The following ITGA8 variants were observed in gnomAD, a reference collection of about 807,000 sequenced individuals.
The protein encoded by ITGA8 is integrin alpha-8.
A neutral mutation model predicts 142.3 loss-of-function variants in ITGA8; 91 were observed. The observed-to-expected ratio is 0.64, with a 90% CI of 0.54 to 0.76. ITGA8 has a LOEUF of 0.76. Ranked by LOEUF, ITGA8 falls within the 30% of genes least tolerant of loss-of-function variation. ITGA8 has a pLI of 0.00. For missense variants in ITGA8, 1,406 were observed against 1,327.7 expected (o/e 1.06, Z -0.92); for synonymous variants, 505 against 485.2 (o/e 1.04, Z -0.54).
At chr10:15,651,124 A>G (rs1438825748) in intron 11 of ITGA8, among the ~76,000 whole-genome samples, 1 of 152,188 alleles carries the variant, frequency 6.6e-6, no homozygotes, top group African/African-American at 2.4e-5. Context: ...TGCAGAAAGT[A>G]TCCAATGGAT....
intron 6 of ITGA8, among the ~76,000 whole-genome samples, chr10:15,676,115 T>C (rs576473290): frequency 6.6e-6 from 1 of 152,302 alleles, no homozygotes; most frequent in South Asian, 2.1e-4. Context: ...CCTCACTCTC[T>C]TAACTCCGGT....
intron 28 of ITGA8, among the ~76,000 whole-genome samples, chr10:15,521,081 C>T (rs1307763622): frequency 3.3e-5 from 5 of 152,188 alleles, no homozygotes; most frequent in Admixed American, 1.3e-4. Context: ...TGCAATGGCA[C>T]GATCTTGGCT....
intron 13 of ITGA8, among the ~76,000 whole-genome samples, chr10:15,626,808 G>C (rs965237344): frequency 1.3e-5 from 2 of 152,180 alleles, no homozygotes; most frequent in African/African-American, 4.8e-5. Flanking sequence ...CCATCTACAA[G>C]CCAAAGAGAG....
In ITGA8 at chr10:15,517,033, GGGTC is replaced by G; in HGVS notation, c.*121_*124del. 2.0e-6 allele frequency: 1 copy of G among 497,094 alleles called. No individual in the cohort carries two copies. Among genetic ancestry groups the G allele is most frequent in the Non-Finnish European group, 3.3e-6 (1 of 302,064 alleles). 30.8% of individuals were successfully genotyped at this position (497,094 alleles called of 1,614,324 possible). The stretch of plus-strand genomic sequence containing the variant: ...CGGTGTAGATGAGGTGATGTTTCCA[GGGTC>G]CCCTCCATTTCCTGGGTCACTGTCA... On this transcript the variant is annotated 3_prime_UTR_variant, in exon 30 of 30. Coordinates refer to ENST00000378076, the MANE Select transcript of ITGA8 (RefSeq NM_003638.3).
chr10:15,541,732 C>G (rs955572265), intron 27 of ITGA8, among the ~76,000 whole-genome samples: 5 of 151,954 alleles, frequency 3.3e-5, no homozygotes, highest in African/African-American at 4.8e-5. Context: ...CTGATGTCAA[C>G]TACAGATATA....
chr10:15,614,768 G>A (rs1833363204), intron 14 of ITGA8, among the ~76,000 whole-genome samples: 1 of 152,110 alleles, frequency 6.6e-6, no homozygotes, highest in Non-Finnish European at 1.5e-5. Flanking sequence ...AATAAGCAGT[G>A]GGCCTGATGG....
At chr10:15,617,224 A>C (rs1454881013) in intron 13 of ITGA8, among the ~76,000 whole-genome samples, 2 of 152,178 alleles carry the variant, frequency 1.3e-5, no homozygotes, top group African/African-American at 2.4e-5. Flanking sequence ...TTATTAGCAC[A>C]ATTTTGCAAA....
chr10:15,655,772 A>T (rs1834172776), intron 10 of ITGA8, among the ~76,000 whole-genome samples: 1 of 152,188 alleles, frequency 6.6e-6, no homozygotes, highest in Admixed American at 6.5e-5. Flanking sequence ...TCTAATTCCA[A>T]TTCCATATGA....
At chr10:15,659,584 T>A (rs1345083817) in intron 9 of ITGA8, among the ~76,000 whole-genome samples, 1 of 152,234 alleles carries the variant, frequency 6.6e-6, no homozygotes, top group Non-Finnish European at 1.5e-5. Flanking sequence ...TTTCCTAATT[T>A]CATAATAATG....
intron 13 of ITGA8, among the ~76,000 whole-genome samples, chr10:15,622,663 A>G (rs1048988318): frequency 1.6e-4 from 24 of 152,200 alleles, no homozygotes; most frequent in African/African-American, 5.8e-4. Flanking sequence ...TGAAATGTTT[A>G]TAATGTATAT....
intron 27 of ITGA8, among the ~76,000 whole-genome samples, chr10:15,534,824 G>C (rs7068245): frequency 0.71 from 108,360 of 152,132 alleles, 39,710 homozygotes; most frequent in Middle Eastern, 0.88. Context: ...TCACAGCCCT[G>C]GCTCGCTCTC....
intron 28 of ITGA8, among the ~76,000 whole-genome samples, chr10:15,521,317 C>T (rs1056198426): frequency 4.6e-5 from 7 of 152,196 alleles, no homozygotes; most frequent in Non-Finnish European, 1.0e-4. Flanking sequence ...AGCCACTGTG[C>T]CCAGATGCTT....
At chr10:15,577,737 C>G (rs941618366) in intron 23 of ITGA8, among the ~76,000 whole-genome samples, 1 of 151,982 alleles carries the variant, frequency 6.6e-6, no homozygotes, top group Non-Finnish European at 1.5e-5. Flanking sequence ...AGGAAGAAAT[C>G]AAGCAAGCAA....
intron 10 of ITGA8, among the ~76,000 whole-genome samples, chr10:15,657,057 A>G (rs1012550665): frequency 1.3e-5 from 2 of 152,166 alleles, no homozygotes; most frequent in Non-Finnish European, 2.9e-5. Context: ...AGATAGTGAA[A>G]TTCTTTCTCT....
chr10:15,517,030 CCAGG>C lies in ITGA8; in HGVS notation c.*124_*127del. 3.5e-5 allele frequency: 20 copies of C among 579,404 alleles called. No individual in the cohort carries two copies. Among genetic ancestry groups the C allele is most frequent in the South Asian group, 1.2e-4 (5 of 40,924 alleles). The allele number at this position is 579,404 out of a possible 1,614,324, so 35.9% of individuals were successfully genotyped here. On this transcript the variant is annotated 3_prime_UTR_variant, in exon 30 of 30. Transcript: ENST00000378076. ...GTGCGGTGTAGATGAGGTGATGTTTCCAGGGTCCCCTCCATTTCCTGGGTCACTG... is the reference window on the plus strand; with the variant it reads ...GTGCGGTGTAGATGAGGTGATGTTTCGTCCCCTCCATTTCCTGGGTCACTG...
intron 2 of ITGA8, among the ~76,000 whole-genome samples, chr10:15,717,566 TA>T (rs1223564736): frequency 6.6e-6 from 1 of 152,174 alleles, no homozygotes; most frequent in Non-Finnish European, 1.5e-5. Context: ...TAAAAGCTTA[TA>T]AAAACTGGTA....
chr10:15,536,717 C>T (rs1833445933), intron 27 of ITGA8, among the ~76,000 whole-genome samples: 1 of 152,176 alleles, frequency 6.6e-6, no homozygotes, highest in South Asian at 2.1e-4. Context: ...ATGCCTTGCT[C>T]GTCTGTCATT....
chr10:15,694,459 A>G (rs921101252), intron 2 of ITGA8, among the ~76,000 whole-genome samples: 37 of 127,630 alleles, frequency 2.9e-4, no homozygotes, highest in African/African-American at 9.9e-4. Context: ...TTATATTTAT[A>G]ATACATCTAT....
At chr10:15,545,985 A>G (rs1833661180) in intron 27 of ITGA8, among the ~76,000 whole-genome samples, 1 of 152,134 alleles carries the variant, frequency 6.6e-6, no homozygotes, top group Non-Finnish European at 1.5e-5. Context: ...ATACTGACAC[A>G]CTGGTCTCCA....
Sources: allele counts gnomAD v4.1 joint callset (sites outside exome capture counted in the v4.1 genomes callset), GRCh38; gene constraint gnomAD v4.1.1; transcripts MANE v1.5; gene names NCBI Gene and HGNC (gene_info 2026-07-23, HGNC 2026-07-21).